TUG1: variants seen among roughly 807,000 people sequenced by gnomAD.
TUG1 encodes the protein taurine up-regulated 1, also known as taurine upregulated gene 1.
exon 3 of TUG1, chr22:30,975,542 A>G (rs1286215410): frequency 2.0e-5 from 3 of 152,222 alleles, no homozygotes; most frequent in Non-Finnish European, 4.4e-5. Flanking sequence ...AAGTGCAAGA[A>G]GACAGGCATG....
At chr22:30,975,375 A>AC (rs1372615343) in exon 3 of TUG1, 1 of 152,152 alleles carries the variant, frequency 6.6e-6, no homozygotes, top group Non-Finnish European at 1.5e-5. Flanking sequence ...TCCTTACAAC[A>AC]CCTTGAACTC....
intron 1 of TUG1, chr22:30,972,213 T>C (rs2041238771): frequency 6.6e-6 from 1 of 152,232 alleles, no homozygotes; most frequent in African/African-American, 2.4e-5. Context: ...CTTACATTAC[T>C]CTTAATGAGG....
At chr22:30,970,168 T>G (rs1419274790) in exon 1 of TUG1, 6 of 152,072 alleles carry the variant, frequency 3.9e-5, no homozygotes, top group Non-Finnish European at 8.8e-5. Flanking sequence ...AATGTGCGGT[T>G]TGGGGGAATG....
exon 3 of TUG1, chr22:30,978,209 C>T (rs529718337): frequency 1.3e-5 from 2 of 152,302 alleles, no homozygotes; most frequent in African/African-American, 2.4e-5. Flanking sequence ...AGACTCATGA[C>T]CACTGAGTTT....
exon 3 of TUG1, chr22:30,978,277 C>A (rs2041312456): frequency 6.6e-6 from 1 of 152,168 alleles, no homozygotes; most frequent in South Asian, 2.1e-4. Context: ...ATTATTATTC[C>A]ATTCAAATGG....
At chr22:30,970,845 C>T (rs964459671) in exon 1 of TUG1, 6 of 152,090 alleles carry the variant, frequency 3.9e-5, no homozygotes, top group Non-Finnish European at 7.4e-5. Flanking sequence ...CTTTCTTAAT[C>T]GAAAGTTAAC....
At chr22:30,974,327 G>A (rs2041263981) in intron 2 of TUG1, 1 of 144,592 alleles carries the variant, frequency 6.9e-6, no homozygotes, top group African/African-American at 2.6e-5. Context: ...TACTGCTTCT[G>A]TGCTTAAATT....
In TUG1 at chr22:30,972,278, ATT is replaced by A. The variant is rs2041239427; in HGVS notation, c.*1961+502_*1961+503del. 8 of 152,358 alleles carry A rather than the reference ATT, an allele frequency of 5.3e-5. No individual in the cohort carries two copies. In the South Asian group the frequency reaches 1.7e-3, roughly 32 times the overall value. 9.4% of individuals were successfully genotyped at this position (152,358 alleles called of 1,614,324 possible). A position where few individuals can be genotyped will look rare whatever the true frequency, so the allele number is the denominator to read the frequency against. ...ATGTTTTAATGTTTTTTAATTCTAA[ATT>A]TTGATCTAGGGAGCCCTCAGACATA... On this transcript the variant is annotated intron_variant, in intron 1 of 2. Transcript: ENST00000644773.
chr22:30,977,814 C>T (rs1033327622), exon 3 of TUG1: 12 of 152,180 alleles, frequency 7.9e-5, no homozygotes, highest in African/African-American at 2.9e-4. Context: ...TAACAACCCA[C>T]ACCTCACCCA....
chr22:30,971,602 A>C (rs563747341), exon 1 of TUG1: 2 of 152,778 alleles, frequency 1.3e-5, no homozygotes, highest in Non-Finnish European at 2.9e-5. Flanking sequence ...TGCGGCAGGA[A>C]CACTGGAGGT....
chr22:30,974,176 T>C (rs1038555269), intron 2 of TUG1: 1 of 151,020 alleles, frequency 6.6e-6, no homozygotes, highest in Non-Finnish European at 1.5e-5. Context: ...AAGTCAGTAT[T>C]GTGTGTGTGT....
At chr22:30,975,109 TG>T (rs2041273440) in intron 2 of TUG1, 60 bp from the exon 3 acceptor site, 1 of 152,336 alleles carries the variant, frequency 6.6e-6, no homozygotes, top group African/African-American at 2.4e-5. Flanking sequence ...GAAAACACCT[TG>T]GTTTACCACA....
chr22:30,976,962 A>G, exon 3 of TUG1: 1 of 152,216 alleles, frequency 6.6e-6, no homozygotes, highest in South Asian at 2.1e-4. Flanking sequence ...TTATTTGTTA[A>G]GAAGAAATTA....
At chr22:30,975,191 T>C (rs944240070) in exon 3 of TUG1, 1 of 152,250 alleles carries the variant, frequency 6.6e-6, no homozygotes, top group Non-Finnish European at 1.5e-5. Context: ...CGACTTATTC[T>C]TAGATCATTG....
chr22:30,971,690 C>T (rs528789702), exon 1 of TUG1: 2 of 153,296 alleles, frequency 1.3e-5, no homozygotes, highest in South Asian at 2.1e-4. Flanking sequence ...CAAGCACTAC[C>T]ACCAGCACTG....
chr22:30,978,781 C>T (rs1011559793), exon 3 of TUG1: 2 of 152,198 alleles, frequency 1.3e-5, no homozygotes, highest in African/African-American at 2.4e-5. Context: ...CCAACCGTGC[C>T]TGAAGCTAGA....
chr22:30,977,042 G>A (rs2041296560), exon 3 of TUG1: 1 of 151,976 alleles, frequency 6.6e-6, no homozygotes, highest in Non-Finnish European at 1.5e-5. Context: ...ATACTTTACA[G>A]AAAAAGACAT....
chr22:30,969,562 C>T (rs1297663836), exon 1 of TUG1: 1 of 152,116 alleles, frequency 6.6e-6, no homozygotes, highest in Admixed American at 6.6e-5. Context: ...GCGGCCTATG[C>T]GTTTGCGATT....
chr22:30,975,314 A>G (rs1247341051), exon 3 of TUG1: 38 of 152,240 alleles, frequency 2.5e-4, no homozygotes, highest in Admixed American at 2.5e-3. Context: ...AGGGGCCTGA[A>G]TCCTGCTACA....
Sources: gnomAD v4.1 joint callset for allele counts on GRCh38, gnomAD v4.1.1 for gene constraint, MANE v1.5 for transcripts, NCBI Gene and HGNC (gene_info 2026-07-23, HGNC 2026-07-21) for gene names.